The following MED13L variants were observed in gnomAD, a reference collection of about 807,000 sequenced individuals.
The protein encoded by MED13L is mediator complex subunit 13L.
Under a neutral mutation model 220.9 loss-of-function variants are expected in MED13L, and 7 were observed. The observed-to-expected ratio is 0.03, with a 90% CI of 0.02 to 0.06. The LOEUF is 0.06. MED13L is among the 10% of genes least tolerant of loss of function. MED13L has a pLI of 1.00. For missense variants in MED13L, 1,965 were observed against 2,760.5 expected, an observed-to-expected ratio of 0.71 and a Z score of 6.46; for synonymous variants, 1,011 against 1,015.2, an observed-to-expected ratio of 1.00 and a Z score of 0.08.
At chr12:116,131,846 T>A (rs975434596) in intron 2 of MED13L, among the ~76,000 whole-genome samples, 1 of 151,918 alleles carries the variant, frequency 6.6e-6, no homozygotes, top group African/African-American at 2.4e-5. Flanking sequence ...CTGGGAGTGG[T>A]GGCACACGCC....
At chr12:116,253,091 G>A (rs1367109203) in intron 1 of MED13L, among the ~76,000 whole-genome samples, 2 of 150,746 alleles carry the variant, frequency 1.3e-5, no homozygotes, top group Admixed American at 6.6e-5. Context: ...GTGAAACCCC[G>A]TCTGTACTAA....
At chr12:116,113,155 T>C (rs977358252) in intron 2 of MED13L, among the ~76,000 whole-genome samples, 2 of 152,192 alleles carry the variant, frequency 1.3e-5, no homozygotes, top group African/African-American at 2.4e-5. Flanking sequence ...CTACCTCTTC[T>C]GAATCACTCT....
At chr12:116,276,956 G>C (rs1159035983) in intron 1 of MED13L, 104 bp downstream of exon 1, 19 of 1,271,570 alleles carry the variant, frequency 1.5e-5, no homozygotes, top group Non-Finnish European at 2.1e-5. Flanking sequence ...ACGCGAGGGA[G>C]GGGCGAAGTC....
intron 2 of MED13L, among the ~76,000 whole-genome samples, chr12:116,145,685 A>ATTTC (rs1450799115): frequency 7.4e-6 from 1 of 135,250 alleles, no homozygotes; most frequent in Admixed American, 7.7e-5. Context: ...TTATTTATTT[A>ATTTC]TTTATTTATT....
Position 115,982,484 on chromosome 12 carries a change from T to G in MED13L, c.5075A>C (p.Asp1692Ala). Residue 1692 changes from aspartate to alanine, a missense_variant, in exon 22 of 31, where the codon GAC (aspartate) becomes GCC (alanine). Asp to Ala is a moderately radical substitution (Grantham distance 126, BLOSUM62 -2). Transcript: ENST00000281928. ...VDPFTYAAEE[D>A]STSGNFWLLS... ...CAGCCAAAAGTTCCCAGAAGTGGAG[T>G]CCTCCTCTGCAGCATACGTGAACGG... 1 of 1,613,998 alleles carries G rather than the reference T, an allele frequency of 6.2e-7. No individual in the cohort carries two copies. Among genetic ancestry groups the G allele is most frequent in the Non-Finnish European group, 8.5e-7 (1 of 1,179,988 alleles).
At chr12:116,000,537 G>A (rs891002219) in intron 14 of MED13L, among the ~76,000 whole-genome samples, 2 of 152,082 alleles carry the variant, frequency 1.3e-5, no homozygotes, top group East Asian at 3.9e-4. Flanking sequence ...TCACCCCAGA[G>A]CACATGCCCA....
intron 4 of MED13L, among the ~76,000 whole-genome samples, chr12:116,031,750 GAAAAGAAAA>G (rs1173132807): frequency 0.057 from 1,939 of 34,136 alleles, 105 homozygotes; most frequent in Middle Eastern, 0.13. Flanking sequence ...GAAAAGAAAA[GAAAAGAAAA>G]GAAGGAAGGA....
chr12:116,196,615 C>T (rs569578597), intron 2 of MED13L, among the ~76,000 whole-genome samples: 3 of 152,226 alleles, frequency 2.0e-5, no homozygotes, highest in South Asian at 4.1e-4. Context: ...AAAAAGCAAA[C>T]CTACTGCCAT....
At chr12:116,210,075 C>T (rs1377509148) in intron 2 of MED13L, among the ~76,000 whole-genome samples, 2 of 152,154 alleles carry the variant, frequency 1.3e-5, no homozygotes, top group Non-Finnish European at 2.9e-5. Flanking sequence ...GCCCTCCCTT[C>T]CCACTGCAAC....
At chr12:116,059,496 C>T (rs1478283883) in intron 4 of MED13L, among the ~76,000 whole-genome samples, 1 of 151,294 alleles carries the variant, frequency 6.6e-6, no homozygotes, top group East Asian at 1.9e-4. Flanking sequence ...TGGCTCACTG[C>T]AACCTCCGCC....
At chr12:116,234,419 G>A (rs995986969) in intron 2 of MED13L, among the ~76,000 whole-genome samples, 1 of 151,828 alleles carries the variant, frequency 6.6e-6, no homozygotes, top group Non-Finnish European at 1.5e-5. Flanking sequence ...TACTAGAGAG[G>A]GGGTTTCACT....
intron 1 of MED13L, among the ~76,000 whole-genome samples, chr12:116,258,048 T>C (rs912054487): frequency 2.0e-5 from 3 of 152,216 alleles, no homozygotes; most frequent in African/African-American, 7.2e-5. Flanking sequence ...TTAGCACTTG[T>C]ACTAAATTAT....
chr12:115,997,485 G>A (rs1377391804), intron 14 of MED13L, among the ~76,000 whole-genome samples: 1 of 152,218 alleles, frequency 6.6e-6, no homozygotes, highest in Non-Finnish European at 1.5e-5. Context: ...GCAGTGGCCT[G>A]ATCTTGACTC....
chr12:116,118,887 C>T (rs1454531398), intron 2 of MED13L, among the ~76,000 whole-genome samples: 1 of 152,166 alleles, frequency 6.6e-6, no homozygotes, highest in East Asian at 1.9e-4. Context: ...TGCAGAATAG[C>T]TACTAGCATA....
intron 2 of MED13L, among the ~76,000 whole-genome samples, chr12:116,200,008 A>C (rs1356274123): frequency 6.6e-6 from 1 of 151,838 alleles, no homozygotes; most frequent in Non-Finnish European, 1.5e-5. Context: ...TAAAAGGAGG[A>C]AAAGTCCGGG....
intron 1 of MED13L, among the ~76,000 whole-genome samples, chr12:116,253,854 G>C (rs1413818184): frequency 6.7e-6 from 1 of 148,516 alleles, no homozygotes; most frequent in East Asian, 2.0e-4. Flanking sequence ...TTGCCTCCTG[G>C]GTTCAAGAGA....
Position 115,991,137 on chromosome 12 carries a change from T to C in MED13L, c.3817A>G (p.Thr1273Ala). 1.9e-6 allele frequency: 3 copies of C among 1,614,114 alleles called. No homozygotes were observed. Among genetic ancestry groups the C allele is most frequent in the African/African-American group, 1.3e-5 (1 of 75,018 alleles). The stretch of plus-strand genomic sequence containing the variant: ...TGCTCCAACGCATTAAAGCATTCCG[T>C]CCAGTAATCATTATTATCTGCTTGC... The part of the protein sequence containing the change: ...RVQADNNDYW[T>A]ECFNALEQGR... Residue 1273 changes from threonine to alanine, a missense_variant, in exon 17 of 31, where the codon ACG becomes GCG. Physicochemically the swap from Thr to Ala is moderately conservative, Grantham distance 58. This residue lies in a region of MED13L where 165 missense variants were observed against 190.8 expected (regional missense o/e 0.86). Coordinates refer to ENST00000281928, the MANE Select transcript of MED13L (RefSeq NM_015335.5). The surrounding 1 kb of genome is among the most constrained non-coding windows in gnomAD (Gnocchi z 7.7).
chr12:116,230,423 T>C, intron 2 of MED13L: 2 of 947,992 alleles, frequency 2.1e-6, no homozygotes, highest in Non-Finnish European at 2.5e-6. Context: ...AAAAGTAAAA[T>C]GAAACTTACT....
intron 2 of MED13L, among the ~76,000 whole-genome samples, chr12:116,158,225 T>G (rs1167687582): frequency 1.3e-5 from 2 of 151,644 alleles, no homozygotes; most frequent in African/African-American, 4.8e-5. Flanking sequence ...GGCAAGAGCT[T>G]ATCTCAAAAC....
Sources: gnomAD v4.1 joint callset for allele counts (sites outside exome capture counted in the v4.1 genomes callset) on GRCh38, gnomAD v4.1.1 for gene constraint, gnomAD v4.1.1 regional missense constraint, Gnocchi (gnomAD v3.1) non-coding constraint, MANE v1.5 for transcripts, NCBI Gene and HGNC (gene_info 2026-07-23, HGNC 2026-07-21) for gene names.